The following CSMD1 variants were observed in gnomAD, a reference collection of about 807,000 sequenced individuals.
CSMD1 encodes the protein CUB and Sushi multiple domains 1.
Under a neutral mutation model 417.5 loss-of-function variants are expected in CSMD1, and 213 were observed. The ratio of observed to expected loss-of-function variants is 0.51; its 90% CI spans 0.46 to 0.57. The LOEUF (loss-of-function observed/expected upper bound fraction) is 0.57, where lower values mean the gene tolerates loss of function less well. Among genes scored for constraint, CSMD1 ranks in the 20% least tolerant of loss-of-function variants. The pLI is 0.00. For synonymous variants in CSMD1, 2,862 were observed against 1,736.8 expected (o/e 1.65, Z -16.11); for missense variants, 6,923 against 4,529.7 (o/e 1.53, Z -15.17).
At chr8:4,716,906 C>G (rs13282018) in intron 1 of CSMD1, among the ~76,000 whole-genome samples, 61,260 of 151,816 alleles carry the variant, frequency 0.4, 15,742 homozygotes, top group African/African-American at 0.74. Flanking sequence ...GCAAAAAAAT[C>G]ATATCTAGAC....
At chr8:4,151,728 G>A (rs902265536) in intron 3 of CSMD1, among the ~76,000 whole-genome samples, 6 of 152,278 alleles carry the variant, frequency 3.9e-5, no homozygotes, top group South Asian at 2.1e-4. Context: ...TTAACAGCGG[G>A]TAAATACTAG....
chr8:3,813,008 T>A (rs1801168643), intron 5 of CSMD1, among the ~76,000 whole-genome samples: 1 of 152,076 alleles, frequency 6.6e-6, no homozygotes, highest in Non-Finnish European at 1.5e-5. Flanking sequence ...ACTCTTAGAT[T>A]ACTTAATGGT....
rs759254926 is a variant in CSMD1 at position 4,020,308 on chromosome 8, G to C, written c.610+11597C>G. Among the ~76,000 whole-genome samples the C allele has an allele frequency of 2.6e-5, 4 of 152,328 alleles. No individual in the cohort carries two copies. In the South Asian group the frequency reaches 6.2e-4, roughly 24 times the overall value. On this transcript the variant is annotated intron_variant, in intron 4 of 69. Coordinates refer to ENST00000635120, the MANE Select transcript of CSMD1 (RefSeq NM_033225.6). ...CCAGTGCAGAGCTGCTGAACAAGCT[G>C]TTTCACCACGACAAGCACTTTAATC...
At chr8:3,993,755 T>C (rs988721846) in intron 5 of CSMD1, among the ~76,000 whole-genome samples, 1 of 152,224 alleles carries the variant, frequency 6.6e-6, no homozygotes, top group East Asian at 1.9e-4. Flanking sequence ...GTTCTTGCAT[T>C]TATTATGGCT....
intron 7 of CSMD1, among the ~76,000 whole-genome samples, chr8:3,684,368 CATA>C (rs1475675958): frequency 3.4e-5 from 5 of 145,614 alleles, no homozygotes; most frequent in Non-Finnish European, 6.0e-5. Context: ...TTGTATATTA[CATA>C]ATATATAAAA....
intron 2 of CSMD1, among the ~76,000 whole-genome samples, chr8:4,524,696 A>C (rs1796424654): frequency 6.6e-6 from 1 of 151,942 alleles, no homozygotes; most frequent in Admixed American, 6.6e-5. Flanking sequence ...ATACGCCCAG[A>C]GTTTTTAAAA....
At chr8:3,402,521 G>C (rs1265189347) in intron 15 of CSMD1, among the ~76,000 whole-genome samples, 1 of 152,038 alleles carries the variant, frequency 6.6e-6, no homozygotes, top group African/African-American at 2.4e-5. Context: ...TTTGCCCGGA[G>C]GCCATAAAAT....
At chr8:3,955,089 G>C (rs971492885) in intron 5 of CSMD1, among the ~76,000 whole-genome samples, 9 of 152,164 alleles carry the variant, frequency 5.9e-5, no homozygotes, top group African/African-American at 1.4e-4. Context: ...GACATTTCTA[G>C]TGGGTGCGGG....
intron 2 of CSMD1, among the ~76,000 whole-genome samples, chr8:4,532,129 G>C (rs1360253255): frequency 8.8e-6 from 1 of 113,608 alleles, no homozygotes; most frequent in African/African-American, 3.6e-5. Context: ...CACTCCGGAA[G>C]AGAAATCCTG....
chr8:2,966,555 T>C lies in CSMD1; in HGVS notation c.9100+15A>G. ...ATAGTAACGTCTGAGTCTACCATGA[T>C]GTCTGCTTACTAACTTGTGCAGTCG... On this transcript the variant is annotated intron_variant, in intron 58 of 69. Coordinates refer to ENST00000635120, the MANE Select transcript of CSMD1 (RefSeq NM_033225.6). The C allele has an allele frequency of 6.2e-7, 1 of 1,609,536 alleles. No individual in the cohort carries two copies. The highest frequency in any genetic ancestry group is 8.5e-7 in the Non-Finnish European group (1 of 1,176,452).
intron 37 of CSMD1, among the ~76,000 whole-genome samples, chr8:3,169,500 G>A (rs1820449092): frequency 1.3e-5 from 2 of 152,092 alleles, no homozygotes; most frequent in South Asian, 4.1e-4. Context: ...AGGAAATGTG[G>A]TTGCCTAGGG....
Position 3,593,203 on chromosome 8 carries a change from G to C in CSMD1, c.1098-6943C>G, listed in dbSNP as rs73660322. On this transcript the variant is annotated intron_variant, in intron 8 of 69. Coordinates refer to ENST00000635120, the MANE Select transcript of CSMD1 (RefSeq NM_033225.6). ...GTGTCATGTTTCCCCACCATACTTG[G>C]GACCAAGACCCAAGCTGGGTGAGGA... 3.8e-3 allele frequency among the ~76,000 whole-genome samples: 585 copies of C among 152,328 alleles called. 1 individual carries two copies. The highest frequency in any genetic ancestry group is 0.013 in the African/African-American group (550 of 41,564).
At chr8:3,240,244 G>T (rs552878860) in intron 26 of CSMD1, among the ~76,000 whole-genome samples, 1 of 152,252 alleles carries the variant, frequency 6.6e-6, no homozygotes, top group East Asian at 1.9e-4. Flanking sequence ...ATGAGACAGG[G>T]AGAGCTAGGA....
At chr8:4,090,887 A>T (rs920879950) in intron 3 of CSMD1, among the ~76,000 whole-genome samples, 9 of 151,950 alleles carry the variant, frequency 5.9e-5, no homozygotes, top group Non-Finnish European at 1.3e-4. Flanking sequence ...TGCTGTCTAC[A>T]TTATTAGTAA....
intron 7 of CSMD1, among the ~76,000 whole-genome samples, chr8:3,687,653 G>A (rs530996336): frequency 2.4e-4 from 36 of 152,312 alleles, no homozygotes; most frequent in African/African-American, 8.2e-4. Context: ...TTTGTGCTGA[G>A]TGGCGCACGC....
At chr8:3,090,173 C>T (rs1457733786) in intron 48 of CSMD1, among the ~76,000 whole-genome samples, 3 of 151,862 alleles carry the variant, frequency 2.0e-5, no homozygotes, top group Non-Finnish European at 2.9e-5. Flanking sequence ...AAAAATTAGC[C>T]GGGCGCGGTG....
At chr8:4,357,276 A>G (rs1801484977) in intron 3 of CSMD1, among the ~76,000 whole-genome samples, 1 of 152,202 alleles carries the variant, frequency 6.6e-6, no homozygotes, top group Non-Finnish European at 1.5e-5. Flanking sequence ...GTAACCTTAT[A>G]GATCTCATCT....
At chr8:4,074,614 A>G (rs1435346019) in intron 3 of CSMD1, among the ~76,000 whole-genome samples, 3 of 152,126 alleles carry the variant, frequency 2.0e-5, no homozygotes, top group African/African-American at 7.2e-5. Flanking sequence ...CTACTGTCCT[A>G]CATTTGGGCA....
intron 12 of CSMD1, among the ~76,000 whole-genome samples, chr8:3,420,039 T>C (rs533819357): frequency 6.6e-6 from 1 of 152,272 alleles, no homozygotes; most frequent in East Asian, 1.9e-4. Context: ...AGTGCCTAAA[T>C]AGAGCCCAGG....
Sources: gnomAD v4.1 joint callset for allele counts (sites outside exome capture counted in the v4.1 genomes callset) on GRCh38, gnomAD v4.1.1 for gene constraint, MANE v1.5 for transcripts, NCBI Gene and HGNC (gene_info 2026-07-23, HGNC 2026-07-21) for gene names.